The following CNTNAP2 variants were observed in gnomAD, a reference collection of about 807,000 sequenced individuals.
CNTNAP2 encodes contactin associated protein 2.
In CNTNAP2, 98 loss-of-function variants were observed where a neutral mutation model predicts 155.2. That is an observed-to-expected ratio of 0.63 (90% CI 0.54 to 0.75). The LOEUF (loss-of-function observed/expected upper bound fraction) is 0.75. Among genes scored for constraint, CNTNAP2 ranks in the 30% least tolerant of loss-of-function variants. The probability of loss-of-function intolerance (pLI) is 0.00; values close to 1 mark genes in which losing one functional copy is unlikely to be tolerated. For synonymous variants in CNTNAP2, 651 were observed against 631.2 expected (o/e 1.03, Z -0.47); for missense variants, 1,727 against 1,688.1 (o/e 1.02, Z -0.40).
chr7:147,961,290 T>C (rs1471041665), intron 14 of CNTNAP2, among the ~76,000 whole-genome samples: 1 of 152,214 alleles, frequency 6.6e-6, no homozygotes, highest in Non-Finnish European at 1.5e-5. Flanking sequence ...TTGTGCTTCC[T>C]TTTGATCTAT....
chr7:148,176,844 T>G (rs1248433405), intron 18 of CNTNAP2, among the ~76,000 whole-genome samples: 1 of 152,114 alleles, frequency 6.6e-6, no homozygotes, highest in African/African-American at 2.4e-5. Context: ...CCAGACTACA[T>G]GGAAGGTTTA....
intron 13 of CNTNAP2, among the ~76,000 whole-genome samples, chr7:147,850,206 T>C (rs62482346): frequency 0.07 from 10,708 of 152,114 alleles, 405 homozygotes; most frequent in East Asian, 0.14. Context: ...ATCCAACTTA[T>C]AAGGGATGTG....
intron 22 of CNTNAP2, among the ~76,000 whole-genome samples, chr7:148,398,969 C>G (rs1450026726): frequency 6.6e-6 from 1 of 152,208 alleles, no homozygotes; most frequent in Non-Finnish European, 1.5e-5. Flanking sequence ...GCCACCCTCT[C>G]CCTAGAAACT....
intron 11 of CNTNAP2, among the ~76,000 whole-genome samples, chr7:147,491,351 T>A (rs559314624): frequency 6.6e-6 from 1 of 152,018 alleles, no homozygotes; most frequent in Non-Finnish European, 1.5e-5. Context: ...CACATCTACC[T>A]CTCTGCTTTG....
chr7:146,279,764 A>T lies in CNTNAP2; in HGVS notation c.97+162791A>T, dbSNP rs553289946. Among the ~76,000 whole-genome samples, 307 of 152,096 alleles carry T rather than the reference A, an allele frequency of 2.0e-3. 3 individuals are homozygous for T. Among genetic ancestry groups the T allele is most frequent in the African/African-American group, 6.9e-3 (288 of 41,554 alleles). ...TAAACATGGACACAATTTTTCATTC[A>T]GCAAAATTATTTTGCAACCTTTTAA... On this transcript the variant is annotated intron_variant, in intron 1 of 23. Transcript: ENST00000361727.
chr7:146,273,169 T>C (rs1263254014), intron 1 of CNTNAP2, among the ~76,000 whole-genome samples: 1 of 151,602 alleles, frequency 6.6e-6, no homozygotes, highest in Non-Finnish European at 1.5e-5. Context: ...AAGCCACAAA[T>C]TTCTGCTTTG....
rs954306283 is a variant in CNTNAP2 at position 147,429,512 on chromosome 7, G to A, written c.1670+33732G>A. 2.7e-4 allele frequency among the ~76,000 whole-genome samples: 41 copies of A among 151,922 alleles called. 1 individual carries two copies. Among genetic ancestry groups the A allele is most frequent in the African/African-American group, 9.7e-4 (40 of 41,330 alleles). On this transcript the variant is annotated intron_variant, in intron 10 of 23. Coordinates refer to ENST00000361727, the MANE Select transcript of CNTNAP2 (RefSeq NM_014141.6). The stretch of plus-strand genomic sequence containing the variant: ...TGTGAAGCTTTTCTCCCACTCTGTG[G>A]GTTGTCTATTTACTCTGCTGATAAT...
At chr7:148,408,611 A>T (rs777349717) in intron 22 of CNTNAP2, among the ~76,000 whole-genome samples, 1 of 152,226 alleles carries the variant, frequency 6.6e-6, no homozygotes, top group Non-Finnish European at 1.5e-5. Flanking sequence ...GACTAAGGTG[A>T]CCTGCTTCTG....
At chr7:146,527,955 G>A (rs1457225336) in intron 1 of CNTNAP2, among the ~76,000 whole-genome samples, 1 of 151,892 alleles carries the variant, frequency 6.6e-6, no homozygotes, top group Non-Finnish European at 1.5e-5. Flanking sequence ...TACATTTTAC[G>A]GCTTTTGTTT....
At chr7:148,374,860 C>T (rs570568773) in intron 21 of CNTNAP2, among the ~76,000 whole-genome samples, 1 of 152,296 alleles carries the variant, frequency 6.6e-6, no homozygotes, top group South Asian at 2.1e-4. Flanking sequence ...TCGAAGAAGT[C>T]AAATCAGACC....
intron 13 of CNTNAP2, among the ~76,000 whole-genome samples, chr7:147,715,241 T>G (rs1796465144): frequency 6.6e-6 from 1 of 152,126 alleles, no homozygotes. Context: ...TATTTTTATT[T>G]TAAAAGAAAC....
intron 1 of CNTNAP2, among the ~76,000 whole-genome samples, chr7:146,296,838 A>G (rs984401917): frequency 6.6e-6 from 1 of 152,134 alleles, no homozygotes; most frequent in Non-Finnish European, 1.5e-5. Flanking sequence ...CATAAATTAT[A>G]TATATGTATG....
chr7:146,403,315 C>T (rs1795741232), intron 1 of CNTNAP2, among the ~76,000 whole-genome samples: 1 of 152,024 alleles, frequency 6.6e-6, no homozygotes, highest in African/African-American at 2.4e-5. Context: ...ATAATTATAA[C>T]TTAGACTAAC....
Position 146,513,058 on chromosome 7 carries a change from T to C in CNTNAP2, c.98-261213T>C, listed in dbSNP as rs1797491132. Among the ~76,000 whole-genome samples, 7 of 151,952 alleles carry C rather than the reference T, an allele frequency of 4.6e-5. No homozygotes were observed. In the South Asian group the frequency reaches 1.4e-3, roughly 31 times the overall value. ...ACATAGTGATCTTCTTTGTGTCTTTTTACAGTTTTTTACTTGAAGTCTATT... is the reference window on the plus strand; with the variant it reads ...ACATAGTGATCTTCTTTGTGTCTTTCTACAGTTTTTTACTTGAAGTCTATT... On this transcript the variant is annotated intron_variant, in intron 1 of 23. Coordinates refer to ENST00000361727, the MANE Select transcript of CNTNAP2 (RefSeq NM_014141.6).
At chr7:147,266,878 T>C (rs145924795) in intron 8 of CNTNAP2, among the ~76,000 whole-genome samples, 1 of 152,352 alleles carries the variant, frequency 6.6e-6, no homozygotes, top group African/African-American at 2.4e-5. Context: ...GTAAGGGTTA[T>C]AGAATACTTA....
intron 13 of CNTNAP2, among the ~76,000 whole-genome samples, chr7:147,834,204 G>A (rs1798598876): frequency 2.0e-5 from 3 of 152,104 alleles, no homozygotes; most frequent in South Asian, 4.1e-4. Flanking sequence ...CAGAAGCTCC[G>A]TGAATCAGAC....
intron 13 of CNTNAP2, among the ~76,000 whole-genome samples, chr7:147,709,056 C>T (rs1004610400): frequency 1.3e-5 from 2 of 152,128 alleles, no homozygotes; most frequent in African/African-American, 4.8e-5. Flanking sequence ...AACGACCCAC[C>T]GCATAGCTGA....
chr7:146,765,200 G>T (rs532862070), intron 1 of CNTNAP2, among the ~76,000 whole-genome samples: 2 of 152,250 alleles, frequency 1.3e-5, no homozygotes, highest in Non-Finnish European at 2.9e-5. Flanking sequence ...TATTTAAAAA[G>T]TCCTAAAGTC....
At chr7:147,169,527 C>G (rs1042357198) in intron 8 of CNTNAP2, among the ~76,000 whole-genome samples, 1 of 152,036 alleles carries the variant, frequency 6.6e-6, no homozygotes, top group East Asian at 1.9e-4. Context: ...TGAGAACACG[C>G]GGTATTTGGT....
Sources: allele counts gnomAD v4.1 joint callset (sites outside exome capture counted in the v4.1 genomes callset), GRCh38; gene constraint gnomAD v4.1.1; transcripts MANE v1.5; gene names NCBI Gene and HGNC (gene_info 2026-07-23, HGNC 2026-07-21).